Variants in HAPSTR1 observed in about 807,000 individuals in gnomAD.
The protein encoded by HAPSTR1 is HUWE1 associated protein modifying stress responses, also known as HUWE1-associated protein modifying stress responses 1.
chr16:9,111,509 G>T, the HAPSTR1 span: 1 of 152,214 alleles, frequency 6.6e-6, no homozygotes, highest in African/African-American at 2.4e-5. Flanking sequence ...CATTTTCTGT[G>T]TATTAAGATT....
At chr16:9,118,756 C>T in the HAPSTR1 span, 1 of 152,724 alleles carries the variant, frequency 6.5e-6, no homozygotes, top group African/African-American at 2.4e-5. Context: ...AATTTAGATT[C>T]TGGAATTGGG....
chr16:9,092,283 C>G, the HAPSTR1 span: 8 of 1,521,898 alleles, frequency 5.3e-6, no homozygotes, highest in Non-Finnish European at 7.0e-6. Context: ...GAGGCCGCCG[C>G]CGCCATCTTG....
the HAPSTR1 span, chr16:9,118,852 C>G: frequency 6.6e-6 from 1 of 152,592 alleles, no homozygotes; most frequent in Non-Finnish European, 1.5e-5. Context: ...ATATTTAATT[C>G]CCCTTTATGC....
the HAPSTR1 span, chr16:9,092,410 G>A: frequency 2.4e-5 from 18 of 736,950 alleles, no homozygotes; most frequent in East Asian, 4.3e-5. Context: ...CCGCGGCCCT[G>A]CCGCCCCCTC....
the HAPSTR1 span, chr16:9,116,629 A>G: frequency 3.1e-6 from 5 of 1,598,164 alleles, no homozygotes; most frequent in African/African-American, 2.7e-5. Flanking sequence ...AAAGGGTTAC[A>G]TAATTGAGCA....
At chr16:9,117,249 G>T in the HAPSTR1 span, 4 of 220,684 alleles carry the variant, frequency 1.8e-5, no homozygotes, top group Non-Finnish European at 1.8e-5. Flanking sequence ...TGTTTATTTG[G>T]TTATAGAATG....
At chr16:9,095,264 A>T in the HAPSTR1 span, among the ~76,000 whole-genome samples, 4 of 152,138 alleles carry the variant, frequency 2.6e-5, no homozygotes, top group Non-Finnish European at 5.9e-5. Context: ...ATAGCCTCAC[A>T]CTTTTTCTTT....
the HAPSTR1 span, among the ~76,000 whole-genome samples, chr16:9,098,304 G>C: frequency 6.6e-6 from 1 of 152,198 alleles, no homozygotes; most frequent in Non-Finnish European, 1.5e-5. Context: ...TTGCACTCCA[G>C]CCTGGGCAGC....
the HAPSTR1 span, chr16:9,104,852 T>C: frequency 6.6e-6 from 1 of 152,232 alleles, no homozygotes; most frequent in Non-Finnish European, 1.5e-5. Context: ...AGATTAATTT[T>C]AGCGCATGGT....
the HAPSTR1 span, among the ~76,000 whole-genome samples, chr16:9,102,780 A>C: frequency 7.9e-5 from 12 of 152,270 alleles, no homozygotes; most frequent in South Asian, 2.5e-3. Context: ...TGTGATAAGT[A>C]AACACTGAAT....
chr16:9,094,921 C>G, the HAPSTR1 span, among the ~76,000 whole-genome samples: 603 of 152,304 alleles, frequency 4.0e-3, 1 homozygote, highest in Non-Finnish European at 5.5e-3. Flanking sequence ...TTCGTTAGTG[C>G]TAACTTTTCG....
chr16:9,120,664 T>A, the HAPSTR1 span: 5 of 149,582 alleles, frequency 3.3e-5, no homozygotes, highest in Non-Finnish European at 7.4e-5. Context: ...AGAAGTAATA[T>A]GGTGAAATCT....
At chr16:9,092,134 C>T in the HAPSTR1 span, 44 of 1,554,422 alleles carry the variant, frequency 2.8e-5, no homozygotes, top group Middle Eastern at 1.7e-4. Flanking sequence ...AGTGCCTGGC[C>T]GAGGCCGAAC....
chr16:9,101,959 A>G, the HAPSTR1 span, among the ~76,000 whole-genome samples: 1 of 152,160 alleles, frequency 6.6e-6, no homozygotes, highest in African/African-American at 2.4e-5. Flanking sequence ...GGTCTCTACT[A>G]AAAATAGAAA....
chr16:9,104,552 TTC>T, the HAPSTR1 span: 1 of 152,242 alleles, frequency 6.6e-6, no homozygotes, highest in Non-Finnish European at 1.5e-5. Flanking sequence ...AGAGATCTTG[TTC>T]TCTCTGGCAA....
chr16:9,121,192 G>A, the HAPSTR1 span: 1 of 152,348 alleles, frequency 6.6e-6, no homozygotes, highest in East Asian at 1.9e-4. Flanking sequence ...GACCTTAAGT[G>A]ATCTGCCCGC....
chr16:9,116,622 G>A, the HAPSTR1 span: 2 of 1,592,854 alleles, frequency 1.3e-6, no homozygotes, highest in Admixed American at 1.7e-5. Flanking sequence ...GCTTTCAAAA[G>A]GGTTACATAA....
At chr16:9,096,923 T>C in the HAPSTR1 span, among the ~76,000 whole-genome samples, 1 of 152,138 alleles carries the variant, frequency 6.6e-6, no homozygotes, top group Non-Finnish European at 1.5e-5. Flanking sequence ...ATAGACTGCT[T>C]TTTTTGTGTG....
At chr16:9,091,784 A>T in the HAPSTR1 span, 1 of 370,570 alleles carries the variant, frequency 2.7e-6, no homozygotes, top group Non-Finnish European at 4.8e-6. Context: ...GAGGGGCGGC[A>T]GCGGTTATCT....
Sources: allele counts gnomAD v4.1 joint callset (sites outside exome capture counted in the v4.1 genomes callset), GRCh38; gene constraint gnomAD v4.1.1; transcripts MANE v1.5; gene names NCBI Gene and HGNC (gene_info 2026-07-23, HGNC 2026-07-21).